Variants in DMD observed in about 807,000 individuals in gnomAD.
DMD encodes dystrophin, also known as mutant dystrophin.
Under a neutral mutation model 330.1 loss-of-function variants are expected in DMD, and 63 were observed. The ratio of observed to expected loss-of-function variants is 0.19; its 90% CI spans 0.16 to 0.24. DMD has a LOEUF of 0.24. DMD is among the 10% of genes least tolerant of loss of function. The probability of loss-of-function intolerance (pLI) is 1.00; values close to 1 mark genes in which losing one functional copy is unlikely to be tolerated. For missense variants in DMD, 3,344 were observed against 2,684.1 expected (o/e 1.25, Z -5.43); for synonymous variants, 1,223 against 959.8 (o/e 1.27, Z -5.07).
intron 47 of DMD, among the ~76,000 whole-genome samples, chrX:31,922,699 A>G (rs1166485077): frequency 9.0e-6 from 1 of 111,614 alleles, no homozygotes; most frequent in East Asian, 2.8e-4. Flanking sequence ...TGGTCATAAA[A>G]GTCTTCTTCT....
At chrX:32,785,890 T>C (rs1444413231) in intron 7 of DMD, among the ~76,000 whole-genome samples, 1 of 111,364 alleles carries the variant, frequency 9.0e-6, no homozygotes, top group African/African-American at 3.3e-5. Flanking sequence ...CCTAGTTACT[T>C]CACCAGGTTT....
chrX:31,409,443 G>A (rs990819973), intron 60 of DMD, among the ~76,000 whole-genome samples: 3 of 112,330 alleles, frequency 2.7e-5, no homozygotes, highest in African/African-American at 9.7e-5. Flanking sequence ...TACAATGGGG[G>A]TTTTCTCTGC....
chrX:32,744,794 C>T (rs1250373725), intron 7 of DMD, among the ~76,000 whole-genome samples: 1 of 111,945 alleles, frequency 8.9e-6, no homozygotes, highest in African/African-American at 3.2e-5. Context: ...CACTTTTCAT[C>T]TGGACTATTA....
Position 32,852,613 on chromosome X carries a change from C to T in DMD, c.94-2793G>A, listed in dbSNP as rs144451322. Among the ~76,000 whole-genome samples, 882 of 111,231 alleles carry T rather than the reference C, an allele frequency of 7.9e-3. 6 individuals are homozygous for T. The highest frequency in any genetic ancestry group is 0.05 in the East Asian group (174 of 3,495). On this transcript the variant is annotated intron_variant, in intron 2 of 78. Transcript: ENST00000357033. Reference sequence around the variant, plus strand: ...TGGGTTCTCTGATTGCAGGCCTTGGCTCCTGGATGGCATTTCTGGACTCAC... The same window carrying T: ...TGGGTTCTCTGATTGCAGGCCTTGGTTCCTGGATGGCATTTCTGGACTCAC...
At chrX:32,298,353 G>T (rs913520931) in intron 42 of DMD, among the ~76,000 whole-genome samples, 1 of 110,635 alleles carries the variant, frequency 9.0e-6, no homozygotes, top group Non-Finnish European at 1.9e-5. Flanking sequence ...GTAGAGAAAG[G>T]CCTTAAGGAT....
rs183943502 is a variant in DMD, at chrX:33,295,160, G to A, written c.7+44099C>T. On this transcript the variant is annotated intron_variant, in intron 1 of 17. Coordinates refer to the DMD transcript ENST00000288447. The stretch of plus-strand genomic sequence containing the variant: ...TTATGATTAAATAAATTATATTAAA[G>A]CAACTGTAATAAATGTTCAAAACTC... 3.2e-3 allele frequency among the ~76,000 whole-genome samples: 354 copies of A among 111,264 alleles called. 2 individuals are homozygous for A. Among genetic ancestry groups the A allele is most frequent in the Non-Finnish European group, 4.9e-3 (259 of 52,854 alleles).
intron 44 of DMD, among the ~76,000 whole-genome samples, chrX:32,019,999 A>T: frequency 8.9e-6 from 1 of 112,483 alleles, no homozygotes; most frequent in Non-Finnish European, 1.9e-5. Flanking sequence ...CTATGGATCC[A>T]CCTGCAAGGT....
At chrX:32,591,481 C>A (rs1020296751) in intron 13 of DMD, among the ~76,000 whole-genome samples, 2 of 112,120 alleles carry the variant, frequency 1.8e-5, no homozygotes, top group Non-Finnish European at 3.8e-5. Context: ...AAAAGGCTTT[C>A]TTTATGGTCT....
At chrX:32,294,986 T>C (rs1382237863) in intron 42 of DMD, among the ~76,000 whole-genome samples, 1 of 111,537 alleles carries the variant, frequency 9.0e-6, no homozygotes, top group Non-Finnish European at 1.9e-5. Context: ...CTATAGAATA[T>C]AGCATTTCTA....
chrX:33,229,119 T>C (rs1247460320), intron 1 of DMD, among the ~76,000 whole-genome samples: 2 of 111,234 alleles, frequency 1.8e-5, no homozygotes, highest in Non-Finnish European at 3.8e-5. Flanking sequence ...TCCCTGTTTT[T>C]GCAACTGATA....
At chrX:33,032,237 C>A (rs757620644) in intron 1 of DMD, among the ~76,000 whole-genome samples, 1 of 112,011 alleles carries the variant, frequency 8.9e-6, no homozygotes, top group Admixed American at 9.5e-5. Flanking sequence ...TCCTTCCTCC[C>A]TTTGTCAGGG....
At chrX:32,691,173 T>A (rs1189877358) in intron 9 of DMD, among the ~76,000 whole-genome samples, 1 of 110,831 alleles carries the variant, frequency 9.0e-6, no homozygotes, top group East Asian at 2.8e-4. Flanking sequence ...TTCTAAGTTA[T>A]CAAAAAGACA....
chrX:32,909,723 C>A (rs146056584), intron 2 of DMD, among the ~76,000 whole-genome samples: 2,188 of 111,968 alleles, frequency 0.02, 28 homozygotes, highest in Non-Finnish European at 0.031. Context: ...AGTAGATAAG[C>A]TTGGCCAAAT....
chrX:32,189,984 T>C (rs965439959), intron 44 of DMD, among the ~76,000 whole-genome samples: 5 of 111,283 alleles, frequency 4.5e-5, no homozygotes, highest in Non-Finnish European at 9.4e-5. Context: ...TATGTAAACA[T>C]ACCAGCTTTC....
At chrX:32,251,908 G>A (rs1042712655) in intron 43 of DMD, among the ~76,000 whole-genome samples, 2 of 111,222 alleles carry the variant, frequency 1.8e-5, no homozygotes, top group Non-Finnish European at 3.8e-5. Context: ...GATATGGGAG[G>A]ATTGCTTGAG....
chrX:33,329,272 T>C (rs149757573), intron 1 of DMD, among the ~76,000 whole-genome samples: 331 of 111,291 alleles, frequency 3.0e-3, no homozygotes, highest in African/African-American at 0.011. Context: ...AATTAAAGAC[T>C]AATAATGCTA....
chrX:32,451,823 A>C (rs1283679459), intron 26 of DMD, among the ~76,000 whole-genome samples: 1 of 110,603 alleles, frequency 9.0e-6, no homozygotes, highest in Non-Finnish European at 1.9e-5. Context: ...GCAGGCTGAA[A>C]ACTCAAGAAA....
chrX:32,096,222 C>A (rs2096504961), intron 44 of DMD, among the ~76,000 whole-genome samples: 1 of 111,770 alleles, frequency 8.9e-6, no homozygotes, highest in South Asian at 3.7e-4. Context: ...AATGGAGAAA[C>A]AAAAGTTTCA....
In DMD at chrX:32,787,807, G is replaced by A. The variant is rs184974626; in HGVS notation, c.649+21686C>T. Among the ~76,000 whole-genome samples, 379 of 106,425 alleles carry A rather than the reference G, an allele frequency of 3.6e-3. 2 individuals carry two copies. Among genetic ancestry groups the A allele is most frequent in the African/African-American group, 0.011 (331 of 29,261 alleles). 92.4% of individuals were successfully genotyped at this position (106,425 alleles called of 115,157 possible). ...AAGGGAGGACTCCTGTATTTAATTT[G>A]GGGAGAGTCAGCATTTATTCTAGAG... On this transcript the variant is annotated intron_variant, in intron 7 of 78. Transcript: ENST00000357033.
Sources: allele counts gnomAD v4.1 joint callset (sites outside exome capture counted in the v4.1 genomes callset), GRCh38; gene constraint gnomAD v4.1.1; transcripts MANE v1.5; gene names NCBI Gene and HGNC (gene_info 2026-07-23, HGNC 2026-07-21).